Variants in MYLIP observed in about 807,000 individuals in gnomAD.
MYLIP encodes the protein myosin regulatory light chain interacting protein, also known as E3 ubiquitin-protein ligase MYLIP.
A neutral mutation model predicts 45.8 loss-of-function variants in MYLIP; 26 were observed. The ratio of observed to expected loss-of-function variants is 0.57; its 90% CI spans 0.42 to 0.79. MYLIP has a LOEUF of 0.79. Ranked by LOEUF, MYLIP falls within the 30% of genes least tolerant of loss-of-function variation. The pLI is 0.00. For missense variants in MYLIP, 494 were observed against 555.6 expected (o/e 0.89, Z 1.11); for synonymous variants, 213 against 218.1 (o/e 0.98, Z 0.21).
At position 16,145,289 on chromosome 6, in the gene MYLIP, G is replaced by A. The variant is rs766596251; in HGVS notation, c.1220G>A (p.Cys407Tyr). 3 of 1,599,998 alleles carry A rather than the reference G, an allele frequency of 1.9e-6. 1 individual carries two copies. In the South Asian group the frequency reaches 3.3e-5, roughly 18 times the overall value. ...TTCTGTCCCTGTGGCCACACTGTGTGCTGTGAGAGCTGCGCCGCCCAGCTA... is the reference window on the plus strand; with the variant it reads ...TTCTGTCCCTGTGGCCACACTGTGTACTGTGAGAGCTGCGCCGCCCAGCTA... Reference protein sequence around the residue: ...STFCPCGHTVCCESCAAQLQS... With the variant: ...STFCPCGHTVYCESCAAQLQS... Residue 407 changes from cysteine to tyrosine, a missense_variant, in exon 6 of 7, where the codon TGC becomes TAC. Coordinates refer to ENST00000356840, the MANE Select transcript of MYLIP (RefSeq NM_013262.4).
At position 16,143,688 on chromosome 6, in the gene MYLIP, C is replaced by G; in HGVS notation, c.663-11C>G. ...TCTAGATCTGCTTTCTTTTCTCTTC[C>G]TGTCTCTTAGGATAGCTTATCCTGT... is the stretch of plus-strand genomic sequence containing the variant. On this transcript the variant is annotated splice_polypyrimidine_tract_variant and intron_variant, in intron 4 of 6. Coordinates refer to ENST00000356840, the MANE Select transcript of MYLIP (RefSeq NM_013262.4). The G allele has an allele frequency of 2.5e-6, 4 of 1,613,166 alleles. No individual in the cohort carries two copies. Among genetic ancestry groups the G allele is most frequent in the Non-Finnish European group, 3.4e-6 (4 of 1,179,460 alleles).
intron 2 of MYLIP, 138 bp from the exon 3 acceptor site, chr6:16,141,487 G>T (rs1460954980): frequency 2.5e-5 from 18 of 733,528 alleles, no homozygotes; most frequent in Admixed American, 3.4e-5. Context: ...ATTTTTTTTT[G>T]AAGTTCTTTA....
At chr6:16,132,747 T>A (rs773505201) in intron 2 of MYLIP, among the ~76,000 whole-genome samples, 1 of 152,240 alleles carries the variant, frequency 6.6e-6, no homozygotes, top group Admixed American at 6.5e-5. Flanking sequence ...AACAAAAATA[T>A]GTATGTTTAC....
chr6:16,137,594 G>A (rs1188693640), intron 2 of MYLIP, among the ~76,000 whole-genome samples: 1 of 152,194 alleles, frequency 6.6e-6, no homozygotes, highest in African/African-American at 2.4e-5. Flanking sequence ...CTGGAGGGCA[G>A]TAACTGAGAG....
chr6:16,139,843 C>T (rs1419559405), intron 2 of MYLIP, among the ~76,000 whole-genome samples: 2 of 152,056 alleles, frequency 1.3e-5, no homozygotes, highest in Admixed American at 1.3e-4. Context: ...GATTTCTTTA[C>T]ACGGGCTTTG....
At chr6:16,141,579 G>T (rs1195088044) in intron 2 of MYLIP, 46 bp from the exon 3 acceptor site, 2 of 1,525,906 alleles carry the variant, frequency 1.3e-6, no homozygotes, top group African/African-American at 1.4e-5. Flanking sequence ...TGAGATTGAT[G>T]TCAGGTTATC....
Position 16,143,858 on chromosome 6 carries a change from C to T in MYLIP, c.822C>T (p.Phe274=), listed in dbSNP as rs779109727. The T allele has an allele frequency of 1.1e-5, 17 of 1,612,626 alleles. No individual in the cohort carries two copies. Among genetic ancestry groups the T allele is most frequent in the Non-Finnish European group, 8.5e-7 (1 of 1,179,622 alleles). ...GAGCGATAACAGAGACGCACGCATT[C>T]TACAGGCACGTATCTCGTGTGCTTG... ...LYRAITETHA[F]YRCDTVTSAV... is the part of the protein sequence containing the mutation. The change falls in exon 5 of 7, where the codon TTC becomes TTT. Residue 274 remains phenylalanine, a synonymous_variant. Transcript: ENST00000356840.
chr6:16,162,099 C>T, the MYLIP span, among the ~76,000 whole-genome samples: 1 of 152,230 alleles, frequency 6.6e-6, no homozygotes, highest in Non-Finnish European at 1.5e-5. Flanking sequence ...TTCACATTAA[C>T]TTGAGGCATC....
At chr6:16,139,639 C>T (rs977053602) in intron 2 of MYLIP, among the ~76,000 whole-genome samples, 1 of 152,196 alleles carries the variant, frequency 6.6e-6, no homozygotes, top group African/African-American at 2.4e-5. Flanking sequence ...TAAACCACGG[C>T]TTGCTGAGAA....
Position 16,143,120 on chromosome 6 carries a change from T to C in MYLIP, c.565T>C (p.Trp189Arg). ...GGCAATGGAAAACTATGGCATAGAA[T>C]GGCATTCTGTGCGGGATAGCGAAGG... ...VSAMENYGIEWHSVRDSEGQK... is the reference protein window; with the variant it reads ...VSAMENYGIERHSVRDSEGQK... The change falls in exon 4 of 7, where the codon TGG becomes CGG. Residue 189 changes from tryptophan to arginine, a missense_variant. Coordinates refer to ENST00000356840, the MANE Select transcript of MYLIP (RefSeq NM_013262.4). 2 of 1,614,202 alleles carry C rather than the reference T, an allele frequency of 1.2e-6. No individual in the cohort carries two copies. Among genetic ancestry groups the C allele is most frequent in the African/African-American group, 1.3e-5 (1 of 75,046 alleles).
chr6:16,151,546 T>C (rs1759881079), downstream of MYLIP, among the ~76,000 whole-genome samples: 1 of 152,200 alleles, frequency 6.6e-6, no homozygotes, highest in South Asian at 2.1e-4. Flanking sequence ...TTAAGCACCA[T>C]CTGAATTTCA....
chr6:16,131,780 C>T lies in MYLIP; in HGVS notation c.278+1033C>T, dbSNP rs115104829. Among the ~76,000 whole-genome samples the T allele has an allele frequency of 2.5e-3, 385 of 152,272 alleles. 2 individuals are homozygous for T. The highest frequency in any genetic ancestry group is 8.8e-3 in the African/African-American group (365 of 41,556). On this transcript the variant is annotated intron_variant, in intron 2 of 6. Transcript: ENST00000356840. ...TTTTACCAAAGGACTGATAAAGACTCATTTTGAAATACTTATCATTTGAAT... is the reference window on the plus strand; with the variant it reads ...TTTTACCAAAGGACTGATAAAGACTTATTTTGAAATACTTATCATTTGAAT...
At chr6:16,135,748 CATATATCT>C (rs150435024) in intron 2 of MYLIP, among the ~76,000 whole-genome samples, 3,552 of 113,122 alleles carry the variant, frequency 0.031, 163 homozygotes, top group African/African-American at 0.099. Flanking sequence ...TGTGTGTATA[CATATATCT>C]ATATATATAT....
intron 6 of MYLIP, 73 bp downstream of exon 6, chr6:16,145,390 G>A (rs529726811): frequency 4.8e-6 from 7 of 1,472,534 alleles, no homozygotes; most frequent in East Asian, 2.3e-5. Context: ...TAGGAGCCAG[G>A]TACTGGCTCG....
At chr6:16,134,813 A>G (rs1759518458) in intron 2 of MYLIP, among the ~76,000 whole-genome samples, 1 of 152,212 alleles carries the variant, frequency 6.6e-6, no homozygotes, top group Non-Finnish European at 1.5e-5. Flanking sequence ...TCTTTTGTTA[A>G]GGCTATAGGA....
At chr6:16,134,294 A>G (rs1471128591) in intron 2 of MYLIP, among the ~76,000 whole-genome samples, 2 of 152,226 alleles carry the variant, frequency 1.3e-5, no homozygotes, top group Admixed American at 6.5e-5. Flanking sequence ...GTTAACTGAT[A>G]ACTACTAATA....
At chr6:16,130,230 T>A (rs1293366910) in intron 1 of MYLIP, among the ~76,000 whole-genome samples, 1 of 152,222 alleles carries the variant, frequency 6.6e-6, no homozygotes, top group African/African-American at 2.4e-5. Flanking sequence ...AGTATGCTGG[T>A]GGAGGGAATT....
rs1209607287 is a variant in MYLIP, at chr6:16,129,535, G to T, written c.87+126G>T. On this transcript the variant is annotated intron_variant, in intron 1 of 6. Transcript: ENST00000356840. The surrounding 1 kb of genome is among the most constrained non-coding windows in gnomAD (Gnocchi z 5.1). Reference sequence around the variant, plus strand: ...GAGGCACTGCGGCGGCAGCCGGGGGGAGCGCGTCCCCTCCTCTCCACGGGC... The same window carrying T: ...GAGGCACTGCGGCGGCAGCCGGGGGTAGCGCGTCCCCTCCTCTCCACGGGC... 4 of 904,708 alleles carry T rather than the reference G, an allele frequency of 4.4e-6. No homozygotes were observed. Among genetic ancestry groups the T allele is most frequent in the African/African-American group, 3.5e-5 (2 of 57,278 alleles). 56.0% of individuals were successfully genotyped at this position (904,708 alleles called of 1,614,324 possible).
the MYLIP span, among the ~76,000 whole-genome samples, chr6:16,154,746 G>A: frequency 6.6e-6 from 1 of 152,114 alleles, no homozygotes; most frequent in Non-Finnish European, 1.5e-5. Flanking sequence ...GAGTTTGAGG[G>A]TACAACCTTT....
Sources: allele counts gnomAD v4.1 joint callset (sites outside exome capture counted in the v4.1 genomes callset), GRCh38; gene constraint gnomAD v4.1.1; non-coding constraint Gnocchi (gnomAD v3.1); transcripts MANE v1.5; gene names NCBI Gene and HGNC (gene_info 2026-07-23, HGNC 2026-07-21).